NAALADL2: variants seen among roughly 807,000 people sequenced by gnomAD.
NAALADL2 encodes inactive N-acetylated-alpha-linked acidic dipeptidase-like protein 2.
NAALADL2 carries 76 observed loss-of-function variants against 87.2 expected under a neutral mutation model. That is an observed-to-expected ratio of 0.87 (90% CI 0.72 to 1.05). The LOEUF (loss-of-function observed/expected upper bound fraction) is 1.05. Among genes scored for constraint, NAALADL2 ranks in the 50% least tolerant of loss-of-function variants. The pLI, the probability that NAALADL2 is intolerant of heterozygous loss-of-function variation, is 0.00. For synonymous variants in NAALADL2, 354 were observed against 331.0 expected, an observed-to-expected ratio of 1.07 and a Z score of -0.75; for missense variants, 1,089 against 945.8, an observed-to-expected ratio of 1.15 and a Z score of -1.99.
intron 8 of NAALADL2, among the ~76,000 whole-genome samples, chr3:175,469,859 A>G (rs1724615050): frequency 6.6e-6 from 1 of 152,070 alleles, no homozygotes; most frequent in South Asian, 2.1e-4. Flanking sequence ...GTAGTGTGCT[A>G]ATAGAAGCTG....
intron 9 of NAALADL2, among the ~76,000 whole-genome samples, chr3:175,566,635 A>G (rs1391076027): frequency 1.3e-5 from 2 of 152,132 alleles, no homozygotes; most frequent in Non-Finnish European, 2.9e-5. Context: ...GACACAGTCC[A>G]TATTCAAACA....
At chr3:174,489,333 G>A (rs1178219844) in intron 1 of NAALADL2, among the ~76,000 whole-genome samples, 2 of 151,868 alleles carry the variant, frequency 1.3e-5, no homozygotes, top group African/African-American at 2.4e-5. Context: ...ATACAAAAAC[G>A]AACTCAAAAT....
chr3:174,768,380 A>G (rs1714119555), intron 3 of NAALADL2, among the ~76,000 whole-genome samples: 1 of 152,028 alleles, frequency 6.6e-6, no homozygotes, highest in Non-Finnish European at 1.5e-5. Context: ...TTGTGCTTTA[A>G]CTCTGCTAGT....
At chr3:175,365,977 G>C (rs573168662) in intron 5 of NAALADL2, among the ~76,000 whole-genome samples, 4 of 136,546 alleles carry the variant, frequency 2.9e-5, no homozygotes, top group African/African-American at 1.1e-4. Flanking sequence ...CCATTAACTC[G>C]TCATTTAGCA....
intron 5 of NAALADL2, among the ~76,000 whole-genome samples, chr3:175,442,291 C>T (rs7631102): frequency 0.053 from 4,264 of 80,408 alleles, 197 homozygotes; most frequent in African/African-American, 0.15. Flanking sequence ...TCTTGTCACA[C>T]ATATAAAGTA....
rs115052078 is a variant in NAALADL2 at position 175,402,253 on chromosome 3, T to C, written c.1091-44976T>C. ...AACTATAAAGTCAATAAAAAGCAAA[T>C]TGACAGTTAATTTAATGTGACAGAT... On this transcript the variant is annotated intron_variant, in intron 5 of 13. Coordinates refer to ENST00000454872, the MANE Select transcript of NAALADL2 (RefSeq NM_207015.3). Among the ~76,000 whole-genome samples the C allele has an allele frequency of 6.6e-3, 1,000 of 152,094 alleles. 12 individuals are homozygous for C. The highest frequency in any genetic ancestry group is 0.023 in the African/African-American group (950 of 41,516).
rs766467951 is a variant in NAALADL2 at position 175,803,016 on chromosome 3, AC to A, written c.2203del (p.His735ThrfsTer13). The A allele has an allele frequency of 1.2e-6, 2 of 1,609,906 alleles. No individual in the cohort carries two copies. The highest frequency in any genetic ancestry group is 2.2e-5 in the South Asian group (2 of 90,938). ...GTATTTCTTTTCAGAAACATCCTCT[AC>A]CACCTTGATGAAAAGACAAGCCGGT... ...APPGFYRNIL[Y>X]HLDEKTSRFS... On this transcript the variant is annotated frameshift_variant, in exon 14 of 14. Transcript: ENST00000454872. LOFTEE classifies it high-confidence loss of function.
chr3:175,409,853 A>T (rs2149086486), intron 5 of NAALADL2, among the ~76,000 whole-genome samples: 1 of 152,184 alleles, frequency 6.6e-6, no homozygotes, highest in South Asian at 2.1e-4. Context: ...CTTTATCAGG[A>T]AAGTTCAAAA....
intron 4 of NAALADL2, among the ~76,000 whole-genome samples, chr3:175,269,860 G>T (rs1217258412): frequency 4.6e-5 from 7 of 152,050 alleles, no homozygotes; most frequent in Non-Finnish European, 1.5e-5. Flanking sequence ...CTTCAATCAT[G>T]GTTCTTTACT....
At chr3:174,877,243 T>C (rs73043517) in intron 1 of NAALADL2, among the ~76,000 whole-genome samples, 1 of 152,094 alleles carries the variant, frequency 6.6e-6, no homozygotes, top group Non-Finnish European at 1.5e-5. Flanking sequence ...TATTTTCATA[T>C]ATTTTACATC....
At chr3:175,667,193 A>AAG (rs1491160677) in intron 11 of NAALADL2, among the ~76,000 whole-genome samples, 2 of 99,920 alleles carry the variant, frequency 2.0e-5, no homozygotes, top group East Asian at 2.9e-4. Context: ...GAAAGAAAGA[A>AAG]AGAAAGAAAG....
chr3:175,755,095 A>G, intron 12 of NAALADL2, 125 bp from the exon 13 acceptor site: 1 of 735,098 alleles, frequency 1.4e-6, no homozygotes, highest in Non-Finnish European at 2.2e-6. Flanking sequence ...AGAACTGTCA[A>G]TGACAATTTC....
At chr3:175,213,357 C>G (rs1303686040) in intron 2 of NAALADL2, among the ~76,000 whole-genome samples, 1 of 151,936 alleles carries the variant, frequency 6.6e-6, no homozygotes, top group Non-Finnish European at 1.5e-5. Flanking sequence ...GTTATGTAAT[C>G]AAAACAAAAT....
chr3:175,166,307 T>C (rs995907617), intron 2 of NAALADL2, among the ~76,000 whole-genome samples: 1 of 152,068 alleles, frequency 6.6e-6, no homozygotes, highest in South Asian at 2.1e-4. Context: ...CTTGTGCTTC[T>C]GATTCTCACC....
chr3:174,564,556 T>A (rs1051069464), intron 2 of NAALADL2, among the ~76,000 whole-genome samples: 20 of 152,208 alleles, frequency 1.3e-4, no homozygotes, highest in African/African-American at 4.8e-4. Context: ...CTATAACTGT[T>A]AATTTTGTCT....
At chr3:175,733,573 GC>G (rs1490597447) in intron 11 of NAALADL2, among the ~76,000 whole-genome samples, 2 of 152,076 alleles carry the variant, frequency 1.3e-5, no homozygotes, top group East Asian at 3.9e-4. Context: ...TGCACCCCTG[GC>G]CCCTCCCAAA....
intron 11 of NAALADL2, among the ~76,000 whole-genome samples, chr3:175,659,480 A>G (rs559403737): frequency 6.2e-4 from 95 of 152,272 alleles, no homozygotes; most frequent in Non-Finnish European, 1.0e-3. Context: ...AGTCTATTTT[A>G]TATTTTCTTA....
chr3:174,815,591 A>G (rs1263409318), intron 3 of NAALADL2, among the ~76,000 whole-genome samples: 1 of 152,026 alleles, frequency 6.6e-6, no homozygotes, highest in Non-Finnish European at 1.5e-5. Context: ...ATCATGCCCA[A>G]CCCATCCCTA....
chr3:174,617,685 A>G (rs900174083), intron 2 of NAALADL2, among the ~76,000 whole-genome samples: 3 of 151,776 alleles, frequency 2.0e-5, no homozygotes, highest in African/African-American at 7.2e-5. Flanking sequence ...CTTGTTGTTC[A>G]CTGAAGAGTT....
Sources: gnomAD v4.1 joint callset for allele counts (sites outside exome capture counted in the v4.1 genomes callset) on GRCh38, gnomAD v4.1.1 for gene constraint, MANE v1.5 for transcripts, NCBI Gene and HGNC (gene_info 2026-07-23, HGNC 2026-07-21) for gene names.